Variants in ASTN2 observed in about 807,000 individuals in gnomAD.
ASTN2 encodes the protein astrotactin 2.
Under a neutral mutation model 139.8 loss-of-function variants are expected in ASTN2, and 54 were observed. The observed-to-expected ratio is 0.39, with a 90% CI of 0.31 to 0.48. The LOEUF (loss-of-function observed/expected upper bound fraction) is 0.48, where lower values mean the gene tolerates loss of function less well. ASTN2 is among the 20% of genes least tolerant of loss of function. ASTN2 has a pLI of 0.95. For missense variants in ASTN2, 1,565 were observed against 1,725.1 expected, an observed-to-expected ratio of 0.91 and a Z score of 1.64; for synonymous variants, 756 against 719.5, an observed-to-expected ratio of 1.05 and a Z score of -0.81.
At chr9:117,396,943 T>A (rs1418208863) in intron 1 of ASTN2, among the ~76,000 whole-genome samples, 3 of 9,438 alleles carry the variant, frequency 3.2e-4, no homozygotes, top group Admixed American at 2.6e-3. Flanking sequence ...CACTCAAGCT[T>A]TTTTTTTTTT....
intron 16 of ASTN2, among the ~76,000 whole-genome samples, chr9:116,715,448 C>T (rs1199086257): frequency 6.6e-6 from 1 of 152,108 alleles, no homozygotes; most frequent in Non-Finnish European, 1.5e-5. Flanking sequence ...ATTGTTGTCT[C>T]CTTGCGTGGA....
intron 13 of ASTN2, among the ~76,000 whole-genome samples, chr9:116,735,029 C>A (rs760861824): frequency 1.3e-5 from 2 of 152,118 alleles, no homozygotes; most frequent in Admixed American, 6.5e-5. Flanking sequence ...CACAGCAATC[C>A]CAAAAGATAG....
intron 20 of ASTN2, among the ~76,000 whole-genome samples, chr9:116,485,805 C>T (rs1311778117): frequency 6.6e-6 from 1 of 152,136 alleles, no homozygotes; most frequent in African/African-American, 2.4e-5. Context: ...GAGCCAGGGG[C>T]AGAAGACTCA....
chr9:116,815,812 A>AG (rs1831306550), intron 12 of ASTN2, among the ~76,000 whole-genome samples: 1 of 146,484 alleles, frequency 6.8e-6, no homozygotes, highest in African/African-American at 2.5e-5. Flanking sequence ...CTCAAAAAAA[A>AG]AAAAAAAAAA....
intron 11 of ASTN2, among the ~76,000 whole-genome samples, chr9:116,824,941 T>A (rs1831584931): frequency 6.6e-6 from 1 of 152,144 alleles, no homozygotes; most frequent in Admixed American, 6.5e-5. Context: ...CTAGGCAATA[T>A]TGAAACAGGG....
intron 3 of ASTN2, among the ~76,000 whole-genome samples, chr9:117,165,025 G>T (rs1830638072): frequency 6.6e-6 from 1 of 152,026 alleles, no homozygotes; most frequent in Non-Finnish European, 1.5e-5. Flanking sequence ...CTGGTGTAGG[G>T]TAGATGAAGT....
At chr9:116,816,204 T>C (rs1222855526) in intron 12 of ASTN2, among the ~76,000 whole-genome samples, 1 of 152,186 alleles carries the variant, frequency 6.6e-6, no homozygotes, top group South Asian at 2.1e-4. Flanking sequence ...GTGTGCATGG[T>C]AGACTCTGTA....
At chr9:116,739,204 T>C (rs1450092889) in intron 13 of ASTN2, among the ~76,000 whole-genome samples, 1 of 152,148 alleles carries the variant, frequency 6.6e-6, no homozygotes, top group Non-Finnish European at 1.5e-5. Context: ...TCTAACCTTT[T>C]TCAGGAACTG....
intron 17 of ASTN2, among the ~76,000 whole-genome samples, chr9:116,643,962 T>C (rs1387896349): frequency 1.3e-5 from 2 of 152,208 alleles, no homozygotes; most frequent in Admixed American, 6.5e-5. Context: ...GCACAGTCTG[T>C]GTCTTGTTCC....
intron 4 of ASTN2, among the ~76,000 whole-genome samples, chr9:117,108,417 G>GAAAA (rs951250539): frequency 5.8e-5 from 7 of 121,500 alleles, no homozygotes; most frequent in Non-Finnish European, 1.1e-4. Flanking sequence ...GTGCCCTTTG[G>GAAAA]AAAAAAACAA....
intron 16 of ASTN2, among the ~76,000 whole-genome samples, chr9:116,668,268 C>T (rs809170): frequency 0.94 from 142,158 of 151,344 alleles, 66,833 homozygotes; most frequent in African/African-American, 0.98. Context: ...CTTGGGTCAC[C>T]GCAACCTCCG....
At chr9:117,272,351 C>A (rs1834087322) in intron 2 of ASTN2, among the ~76,000 whole-genome samples, 1 of 152,214 alleles carries the variant, frequency 6.6e-6, no homozygotes, top group African/African-American at 2.4e-5. Flanking sequence ...AGCCCACAAA[C>A]CACTGTTTCC....
At chr9:116,860,855 A>G (rs1318128959) in intron 11 of ASTN2, among the ~76,000 whole-genome samples, 1 of 152,228 alleles carries the variant, frequency 6.6e-6, no homozygotes, top group Non-Finnish European at 1.5e-5. Context: ...CTAAAAATAT[A>G]AGGAATTATC....
intron 13 of ASTN2, among the ~76,000 whole-genome samples, chr9:116,799,010 C>T (rs1830772054): frequency 7.3e-6 from 1 of 137,138 alleles, no homozygotes; most frequent in South Asian, 2.3e-4. Flanking sequence ...GTGAAAATAT[C>T]AAATGAAAAA....
intron 10 of ASTN2, among the ~76,000 whole-genome samples, chr9:116,941,010 G>A (rs1835211817): frequency 6.6e-6 from 1 of 152,192 alleles, no homozygotes; most frequent in Non-Finnish European, 1.5e-5. Context: ...AAGCCTAGGA[G>A]TAATAGGCTA....
At chr9:116,507,570 A>G (rs1850165440) in intron 19 of ASTN2, among the ~76,000 whole-genome samples, 1 of 152,204 alleles carries the variant, frequency 6.6e-6, no homozygotes, top group South Asian at 2.1e-4. Flanking sequence ...CCTCTGGACC[A>G]CAATATTCCC....
At chr9:116,637,895 G>A (rs28415239) in intron 17 of ASTN2, among the ~76,000 whole-genome samples, 3,617 of 152,246 alleles carry the variant, frequency 0.024, 142 homozygotes, top group African/African-American at 0.082. Context: ...AGCAATGATC[G>A]TGCCACTGCA....
At chr9:117,149,023 A>T (rs1830266567) in intron 3 of ASTN2, among the ~76,000 whole-genome samples, 1 of 150,558 alleles carries the variant, frequency 6.6e-6, no homozygotes, top group African/African-American at 2.4e-5. Flanking sequence ...ATTTATTTTT[A>T]TTTTTATTTT....
At chr9:116,488,159 G>T (rs562767916) in intron 19 of ASTN2, among the ~76,000 whole-genome samples, 1 of 152,148 alleles carries the variant, frequency 6.6e-6, no homozygotes, top group African/African-American at 2.4e-5. Context: ...CCACATATTT[G>T]TGATCCTCAA....
Sources: allele counts gnomAD v4.1 joint callset (sites outside exome capture counted in the v4.1 genomes callset), GRCh38; gene constraint gnomAD v4.1.1; transcripts MANE v1.5; gene names NCBI Gene and HGNC (gene_info 2026-07-23, HGNC 2026-07-21).